TNC: variants seen among roughly 807,000 people sequenced by gnomAD.
The protein encoded by TNC is tenascin.
TNC carries 109 observed loss-of-function variants against 202.4 expected under a neutral mutation model. The observed-to-expected ratio is 0.54, with a 90% CI of 0.46 to 0.63. The LOEUF (loss-of-function observed/expected upper bound fraction) is 0.63. Ranked by LOEUF, TNC falls within the 30% of genes least tolerant of loss-of-function variation. The pLI is 0.00. For missense variants in TNC, 2,756 were observed against 2,833.3 expected, an observed-to-expected ratio of 0.97 and a Z score of 0.62; for synonymous variants, 1,007 against 1,089.7, an observed-to-expected ratio of 0.92 and a Z score of 1.50.
intron 18 of TNC, among the ~76,000 whole-genome samples, chr9:115,041,665 T>G (rs1170789458): frequency 6.6e-6 from 1 of 152,196 alleles, no homozygotes; most frequent in East Asian, 1.9e-4. Context: ...GAAGAGGTTA[T>G]TAACCATCCT....
In TNC at chr9:115,044,274, AC is replaced by A. The variant is rs1263740662; in HGVS notation, c.5126-1934del. On this transcript the variant is annotated intron_variant, in intron 17 of 27. Transcript: ENST00000350763. Reference sequence around the variant, plus strand: ...GAGGAGAAAGGATTAAAAAAAAAAAACAAAAGGGGAAATTTATAAACTTGAT... The same window carrying A: ...GAGGAGAAAGGATTAAAAAAAAAAAAAAAAGGGGAAATTTATAAACTTGAT... Among the ~76,000 whole-genome samples, 1,322 of 149,102 alleles carry A rather than the reference AC, an allele frequency of 8.9e-3. 18 individuals are homozygous for A. The highest frequency in any genetic ancestry group is 0.03 in the African/African-American group (1,226 of 40,438).
In TNC at chr9:115,077,978, A is replaced by C. The variant is rs1388936020; in HGVS notation, c.2639T>G (p.Met880Arg). ...EVSLISRRGD[M>R]SSNPAKETFT... ...GGTCTCTTTGGCTGGGTTGCTTGACATGTCACCTCTGCGGGAGATGAGGGA... is the reference window on the plus strand; with the variant it reads ...GGTCTCTTTGGCTGGGTTGCTTGACCTGTCACCTCTGCGGGAGATGAGGGA... The change falls in exon 7 of 28, where the codon ATG becomes AGG. Residue 880 changes from methionine (M) to arginine (R), a missense_variant. Met to Arg is a moderately conservative substitution (Grantham distance 91). This residue lies in a region of TNC where 2,559 missense variants were observed against 2,546.0 expected (regional missense o/e 1.01). Transcript: ENST00000350763. 1 of 1,614,034 alleles carries C rather than the reference A, an allele frequency of 6.2e-7. No homozygotes were observed. Among genetic ancestry groups the C allele is most frequent in the African/African-American group, 1.3e-5 (1 of 74,916 alleles).
intron 13 of TNC, 63 bp from the exon 14 acceptor site, chr9:115,060,065 C>A (rs1261817754): frequency 1.4e-6 from 2 of 1,478,312 alleles, no homozygotes; most frequent in Admixed American, 2.2e-5. Context: ...ACCAAACATC[C>A]CACAGCCCAA....
chr9:115,043,478 G>A (rs544484030), intron 17 of TNC, among the ~76,000 whole-genome samples: 19 of 152,242 alleles, frequency 1.2e-4, no homozygotes, highest in Non-Finnish European at 5.9e-5. Flanking sequence ...GTGACCTTGG[G>A]CAGGTCCCTT....
chr9:115,032,555 A>T (rs554278839), intron 22 of TNC, among the ~76,000 whole-genome samples: 27 of 152,316 alleles, frequency 1.8e-4, no homozygotes, highest in African/African-American at 6.5e-4. Context: ...GCTTTAAAAC[A>T]ATATGATGCC....
At chr9:115,053,587 A>G (rs952236043) in intron 15 of TNC, among the ~76,000 whole-genome samples, 1 of 152,240 alleles carries the variant, frequency 6.6e-6, no homozygotes, top group African/African-American at 2.4e-5. Flanking sequence ...TATCTGAGGA[A>G]TATCCTTTGA....
chr9:115,116,092 G>C (rs560688075), intron 1 of TNC, among the ~76,000 whole-genome samples: 1 of 152,170 alleles, frequency 6.6e-6, no homozygotes, highest in Non-Finnish European at 1.5e-5. Context: ...TGTTGCAAGA[G>C]CCCTGTGAGA....
Position 115,040,344 on chromosome 9 carries a change from C to T in TNC, c.5392+597G>A, listed in dbSNP as rs142626705. On this transcript the variant is annotated intron_variant, in intron 19 of 27. Coordinates refer to ENST00000350763, the MANE Select transcript of TNC (RefSeq NM_002160.4). Reference sequence around the variant, plus strand: ...AATGTGAAGGGTTTAGTAACAGTGCCTGGAATGCAAGAGCCACCAAATAGA... The same window carrying T: ...AATGTGAAGGGTTTAGTAACAGTGCTTGGAATGCAAGAGCCACCAAATAGA... Among the ~76,000 whole-genome samples, 928 of 152,286 alleles carry T rather than the reference C, an allele frequency of 6.1e-3. 13 individuals are homozygous for T. The highest frequency in any genetic ancestry group is 0.021 in the African/African-American group (877 of 41,536).
rs763448754 is a variant in TNC at position 115,076,592 on chromosome 9, A to G, written c.2675-17T>C. ...CATCGAGGCCTGTTTGAGAGAAGGAACATTTGTATTGAACATATCAGTCAC... is the reference window on the plus strand; with the variant it reads ...CATCGAGGCCTGTTTGAGAGAAGGAGCATTTGTATTGAACATATCAGTCAC... On this transcript the variant is annotated splice_polypyrimidine_tract_variant and intron_variant, in intron 7 of 27. Coordinates refer to ENST00000350763, the MANE Select transcript of TNC (RefSeq NM_002160.4). The G allele has an allele frequency of 1.9e-6, 3 of 1,613,372 alleles. No individual in the cohort carries two copies. In the South Asian group the frequency reaches 3.3e-5, roughly 18 times the overall value.
At chr9:115,041,149 C>T in intron 18 of TNC, 65 bp from the exon 19 acceptor site, 1 of 1,506,752 alleles carries the variant, frequency 6.6e-7, no homozygotes, top group South Asian at 1.3e-5. Flanking sequence ...ACTGTTGCCC[C>T]CAAAAAGAGT....
In TNC at chr9:115,087,035, T is replaced by C. The variant is rs2992147; in HGVS notation, c.696A>G (p.Val232=). 709,574 of 1,613,822 alleles carry C rather than the reference T, an allele frequency of 0.44. 158,519 individuals are homozygous for C. Among genetic ancestry groups the C allele is most frequent in the African/African-American group, 0.58 (43,354 of 74,960 alleles). The change falls in exon 3 of 28, where the codon GTA becomes GTG. Residue 232 remains valine (V), a synonymous_variant. Coordinates refer to ENST00000350763, the MANE Select transcript of TNC (RefSeq NM_002160.4). ...CTTCGAAACAGATGCAGACTCCATTTACGCACTTGCCCTGGTCATTGCAGT... is the reference window on the plus strand; with the variant it reads ...CTTCGAAACAGATGCAGACTCCATTCACGCACTTGCCCTGGTCATTGCAGT... ...PSDCNDQGKC[V]NGVCICFEGY... is the part of the protein sequence containing the mutation.
At chr9:115,055,660 A>C (rs1832060053) in intron 15 of TNC, 2 of 152,572 alleles carry the variant, frequency 1.3e-5, no homozygotes, top group African/African-American at 4.8e-5. Context: ...GAAAGCTATC[A>C]AAGGCAGACT....
chr9:115,099,538 G>A (rs967551739), intron 1 of TNC, among the ~76,000 whole-genome samples: 1 of 152,162 alleles, frequency 6.6e-6, no homozygotes, highest in Non-Finnish European at 1.5e-5. Flanking sequence ...CAAATCCAAA[G>A]GGTTCCATCC....
At chr9:115,079,780 G>A (rs1327451270) in intron 6 of TNC, among the ~76,000 whole-genome samples, 1 of 152,160 alleles carries the variant, frequency 6.6e-6, no homozygotes, top group East Asian at 1.9e-4. Context: ...AGAACTGATT[G>A]AATCCAAAGC....
At chr9:115,026,332 C>T (rs1829478819) in intron 26 of TNC, among the ~76,000 whole-genome samples, 1 of 152,138 alleles carries the variant, frequency 6.6e-6, no homozygotes, top group African/African-American at 2.4e-5. Context: ...TCCCAACATA[C>T]TCAATGTTTC....
chr9:115,090,754 C>T lies in TNC; in HGVS notation c.265G>A (p.Glu89Lys). Residue 89 changes from glutamate to lysine, a missense_variant, in exon 2 of 28, where the codon GAG becomes AAG. This residue lies in a region of TNC where 2,559 missense variants were observed against 2,546.0 expected (regional missense o/e 1.01). Transcript: ENST00000350763. ...TGGTTTTCCCCATCCACTGTGTGCT[C>T]CTGAAAGCTTTCGCTGGGCTCTGAA... ...PPSEPSESFQ[E>K]HTVDGENQIV... 1 of 1,614,210 alleles carries T rather than the reference C, an allele frequency of 6.2e-7. No homozygotes were observed.
chr9:115,086,712 T>C lies in TNC; in HGVS notation c.1019A>G (p.Asp340Gly). The C allele has an allele frequency of 1.9e-6, 3 of 1,614,092 alleles. No individual in the cohort carries two copies. Among genetic ancestry groups the C allele is most frequent in the Non-Finnish European group, 2.5e-6 (3 of 1,180,020 alleles). ...ATGTGGGCAGGTGGGTTTCCCGCAG[T>C]CTTCACCTGTGAAGCCTTCTTCGCA... ...CYCEEGFTGE[D>G]CGKPTCPHAC... The change falls in exon 3 of 28, where the codon GAC becomes GGC. Residue 340 changes from aspartate to glycine, a missense_variant. By Grantham distance (94) the Asp-to-Gly change is moderately conservative (BLOSUM62 -1). Transcript: ENST00000350763.
chr9:115,068,475 C>T (rs1188641062), intron 10 of TNC, among the ~76,000 whole-genome samples: 4 of 152,296 alleles, frequency 2.6e-5, no homozygotes, highest in Non-Finnish European at 4.4e-5. Flanking sequence ...GAGTGATTCT[C>T]CCACAGCAGG....
At chr9:115,054,933 C>T (rs935055155) in intron 15 of TNC, among the ~76,000 whole-genome samples, 2 of 152,152 alleles carry the variant, frequency 1.3e-5, no homozygotes, top group Non-Finnish European at 2.9e-5. Context: ...ACAAAAATCA[C>T]GAGAACAAGA....
Sources: gnomAD v4.1 joint callset for allele counts (sites outside exome capture counted in the v4.1 genomes callset) on GRCh38, gnomAD v4.1.1 for gene constraint, gnomAD v4.1.1 regional missense constraint, MANE v1.5 for transcripts, NCBI Gene and HGNC (gene_info 2026-07-23, HGNC 2026-07-21) for gene names.